SUPT3H: variants seen among roughly 807,000 people sequenced by gnomAD.
SUPT3H encodes SPT3 homolog, SAGA and STAGA complex component, also known as transcription initiation protein SPT3 homolog.
Under a neutral mutation model 44.3 loss-of-function variants are expected in SUPT3H, and 44 were observed. That is an observed-to-expected ratio of 0.99 (90% CI 0.78 to 1.28). SUPT3H has a LOEUF of 1.28. SUPT3H is among the 50% of genes most tolerant of loss of function. The pLI, the probability that SUPT3H is intolerant of heterozygous loss-of-function variation, is 0.00. For synonymous variants in SUPT3H, 124 were observed against 125.6 expected (o/e 0.99, Z 0.09); for missense variants, 380 against 387.1 (o/e 0.98, Z 0.15).
intron 10 of SUPT3H, among the ~76,000 whole-genome samples, chr6:44,882,576 C>G (rs1410207758): frequency 6.6e-6 from 1 of 152,074 alleles, no homozygotes; most frequent in African/African-American, 2.4e-5. Flanking sequence ...GGAAGAGACA[C>G]AACAAATAAA....
chr6:45,322,908 G>A (rs1431189992), intron 2 of SUPT3H: 19 of 1,612,968 alleles, frequency 1.2e-5, no homozygotes, highest in South Asian at 6.6e-5. Context: ...TTGTTCCAAA[G>A]ACCACCATGA....
At chr6:44,932,801 A>G (rs1770804043) in intron 9 of SUPT3H, 38 bp from the exon 10 acceptor site, 1 of 1,403,318 alleles carries the variant, frequency 7.1e-7, no homozygotes, top group African/African-American at 1.5e-5. Context: ...ACTAAATCAA[A>G]AACACGCAAC....
chr6:44,892,644 A>G (rs1561981330), intron 10 of SUPT3H, among the ~76,000 whole-genome samples: 1 of 152,204 alleles, frequency 6.6e-6, no homozygotes, highest in African/African-American at 2.4e-5. Context: ...ATGATGGAAT[A>G]TTAAAGCTTG....
At chr6:45,008,146 C>A (rs969746075) in intron 5 of SUPT3H, among the ~76,000 whole-genome samples, 5 of 152,108 alleles carry the variant, frequency 3.3e-5, no homozygotes, top group Non-Finnish European at 2.9e-5. Context: ...CACTCATGTA[C>A]AAATTTTTAT....
At chr6:44,817,939 A>G (rs1042961864) in intron 11 of SUPT3H, among the ~76,000 whole-genome samples, 2 of 152,196 alleles carry the variant, frequency 1.3e-5, no homozygotes, top group Non-Finnish European at 2.9e-5. Context: ...AAGCAATCCC[A>G]GTGAAAATTT....
At chr6:44,969,518 C>T (rs494982) in intron 6 of SUPT3H, among the ~76,000 whole-genome samples, 73,604 of 151,708 alleles carry the variant, frequency 0.49, 18,336 homozygotes, top group East Asian at 0.7. Flanking sequence ...TAACTGTGCA[C>T]ACATAAAAAT....
chr6:45,159,987 G>C (rs1021713309), intron 2 of SUPT3H, among the ~76,000 whole-genome samples: 1 of 152,042 alleles, frequency 6.6e-6, no homozygotes, highest in African/African-American at 2.4e-5. Flanking sequence ...AAAAATCTGG[G>C]TTCAAATAAT....
chr6:45,023,907 A>G (rs1309553680), intron 3 of SUPT3H, among the ~76,000 whole-genome samples: 20 of 152,156 alleles, frequency 1.3e-4, no homozygotes, highest in Non-Finnish European at 1.5e-5. Flanking sequence ...ACCTAAAATA[A>G]AAGTTAAAAA....
intron 3 of SUPT3H, among the ~76,000 whole-genome samples, chr6:45,105,594 T>C (rs1015279262): frequency 1.3e-5 from 2 of 152,182 alleles, no homozygotes; most frequent in Non-Finnish European, 2.9e-5. Flanking sequence ...TACAAAATGC[T>C]AACAACCATC....
intron 1 of SUPT3H, among the ~76,000 whole-genome samples, chr6:45,370,668 GAA>G (rs1795909286): frequency 6.6e-6 from 1 of 152,050 alleles, no homozygotes; most frequent in Admixed American, 6.6e-5. Context: ...AAAAAAATCT[GAA>G]TTGAAAATAT....
At chr6:45,106,683 C>T (rs933962265) in intron 2 of SUPT3H, among the ~76,000 whole-genome samples, 7 of 152,010 alleles carry the variant, frequency 4.6e-5, no homozygotes, top group Non-Finnish European at 8.8e-5. Context: ...ACTACAGGCG[C>T]GTGCCACCAC....
At chr6:45,132,014 T>C (rs1416995836) in intron 2 of SUPT3H, among the ~76,000 whole-genome samples, 1 of 152,100 alleles carries the variant, frequency 6.6e-6, no homozygotes, top group African/African-American at 2.4e-5. Flanking sequence ...CAGTAAGATA[T>C]TAACAACTAA....
chr6:45,226,408 AC>A (rs1766947400), intron 2 of SUPT3H, among the ~76,000 whole-genome samples: 1 of 152,010 alleles, frequency 6.6e-6, no homozygotes, highest in Non-Finnish European at 1.5e-5. Flanking sequence ...ATGATGACTG[AC>A]TGTGGTATTG....
rs754208599 is a variant in SUPT3H at position 45,348,512 on chromosome 6, C to CAAAAAAAAAAAAAA, written c.101+16688_101+16689insTTTTTTTTTTTTTT. ...TGAAACCCCGTCTCTACTAAAAATA[C>CAAAAAAAAAAAAAA]AAAAAAAAAAAAGTTATCCAGGTAT... is the stretch of plus-strand genomic sequence containing the variant. On this transcript the variant is annotated intron_variant, in intron 2 of 10. Coordinates refer to ENST00000371459, the MANE Select transcript of SUPT3H (RefSeq NM_003599.4). 2.1e-3 allele frequency among the ~76,000 whole-genome samples: 231 copies of CAAAAAAAAAAAAAA among 110,344 alleles called. 9 individuals carry two copies. The highest frequency in any genetic ancestry group is 7.4e-3 in the African/African-American group (203 of 27,314). The allele number at this position is 110,344 out of a possible 152,430, so 72.4% of individuals were successfully genotyped here.
intron 6 of SUPT3H, among the ~76,000 whole-genome samples, chr6:44,985,156 A>G (rs1329511557): frequency 2.6e-5 from 4 of 151,016 alleles, no homozygotes; most frequent in African/African-American, 9.8e-5. Flanking sequence ...CTGGTTAACA[A>G]AGCAAGACCT....
intron 11 of SUPT3H, among the ~76,000 whole-genome samples, chr6:44,820,441 T>A (rs186610632): frequency 2.1e-3 from 315 of 152,236 alleles, no homozygotes; most frequent in Non-Finnish European, 3.9e-3. Context: ...GGAAGCTGAA[T>A]GTTGAGATAT....
At chr6:45,181,201 A>G (rs977544222) in intron 2 of SUPT3H, among the ~76,000 whole-genome samples, 3 of 106,398 alleles carry the variant, frequency 2.8e-5, no homozygotes, top group African/African-American at 1.2e-4. Context: ...GCAATCATTA[A>G]AAAGTCAGGA....
chr6:44,821,198 T>C (rs557785136), intron 11 of SUPT3H, among the ~76,000 whole-genome samples: 141 of 152,244 alleles, frequency 9.3e-4, no homozygotes, highest in African/African-American at 3.3e-3. Context: ...GAAGGTAAGG[T>C]AGCCATGAGG....
intron 6 of SUPT3H, among the ~76,000 whole-genome samples, chr6:44,971,650 A>G (rs1777582807): frequency 6.6e-6 from 1 of 152,148 alleles, no homozygotes; most frequent in African/African-American, 2.4e-5. Context: ...ACTACAATTC[A>G]AGATGAGATT....
Sources: allele counts gnomAD v4.1 joint callset (sites outside exome capture counted in the v4.1 genomes callset), GRCh38; gene constraint gnomAD v4.1.1; transcripts MANE v1.5; gene names NCBI Gene and HGNC (gene_info 2026-07-23, HGNC 2026-07-21).